Variants in KHDRBS1 observed in about 807,000 individuals in gnomAD.
The protein encoded by KHDRBS1 is KH RNA binding domain containing, signal transduction associated 1.
In KHDRBS1, 7 loss-of-function variants were observed where a neutral mutation model predicts 48.4. The observed-to-expected ratio is 0.14, with a 90% CI of 0.08 to 0.27. KHDRBS1 has a LOEUF of 0.27. KHDRBS1 is among the 10% of genes least tolerant of loss of function. KHDRBS1 has a pLI of 1.00. For missense variants in KHDRBS1, 458 were observed against 601.2 expected (o/e 0.76, Z 2.49); for synonymous variants, 241 against 235.8 (o/e 1.02, Z -0.20).
intron 2 of KHDRBS1, 94 bp downstream of exon 2, chr1:32,030,516 T>A: frequency 9.4e-7 from 1 of 1,066,284 alleles, no homozygotes; most frequent in Non-Finnish European, 1.3e-6. Flanking sequence ...TGTGATGCTT[T>A]AGAAACTTAA....
chr1:32,030,498 C>T lies in KHDRBS1; in HGVS notation c.507+76C>T, dbSNP rs370004248. The T allele has an allele frequency of 7.2e-5, 92 of 1,274,314 alleles. 1 individual carries two copies. Among genetic ancestry groups the T allele is most frequent in the East Asian group, 6.0e-4 (23 of 38,394 alleles). 78.9% of individuals were successfully genotyped at this position (1,274,314 alleles called of 1,614,324 possible). On this transcript the variant is annotated intron_variant, in intron 2 of 8. Transcript: ENST00000327300. ...GAGTCATGGGCTATAATAAAGACTC[C>T]TGGGGATTGTGATGCTTTAGAAACT...
chr1:32,043,006 G>C lies in KHDRBS1; in HGVS notation c.*382G>C, dbSNP rs1426078586. ...CTTGCTTAAAGGTTCTGAAGTAAAG[G>C]CTTGTTAAGTTTCTCTTAGTTTTGA... On this transcript the variant is annotated 3_prime_UTR_variant, in exon 9 of 9. Transcript: ENST00000327300. 1 of 154,478 alleles carries C rather than the reference G, an allele frequency of 6.5e-6. No homozygotes were observed. The highest frequency in any genetic ancestry group is 2.4e-5 in the African/African-American group (1 of 41,358). The allele number at this position is 154,478 out of a possible 1,614,324, so 9.6% of individuals were successfully genotyped here. A position where few individuals can be genotyped will look rare whatever the true frequency, so the allele number is the denominator to read the frequency against.
intron 1 of KHDRBS1, among the ~76,000 whole-genome samples, chr1:32,029,538 T>TC (rs1264042128): frequency 6.6e-6 from 1 of 152,090 alleles, no homozygotes; most frequent in Non-Finnish European, 1.5e-5. Flanking sequence ...ACACCTGTAA[T>TC]CCCAGCTACT....
intron 10 of KHDRBS1, chr1:32,054,504 T>C (rs1004310911): frequency 1.3e-5 from 2 of 152,180 alleles, no homozygotes; most frequent in African/African-American, 4.8e-5. Flanking sequence ...GTCGTATTCC[T>C]TTCGCCCACC....
chr1:32,036,163 A>ATTTTTTTTTTTTTTT (rs397742842), intron 4 of KHDRBS1, among the ~76,000 whole-genome samples: 19 of 60,466 alleles, frequency 3.1e-4, no homozygotes, highest in African/African-American at 1.4e-3. Context: ...CATTTTGAAG[A>ATTTTTTTTTTTTTTT]TTTTTTTTTT....
chr1:32,047,233 A>T (rs955621545), downstream of KHDRBS1, among the ~76,000 whole-genome samples: 1 of 152,162 alleles, frequency 6.6e-6, no homozygotes, highest in Non-Finnish European at 1.5e-5. Flanking sequence ...ATTTCAGCTT[A>T]CTGCGACCTC....
intron 5 of KHDRBS1, 134 bp downstream of exon 5, chr1:32,037,177 A>G (rs1232558206): frequency 1.0e-6 from 1 of 971,014 alleles, no homozygotes; most frequent in African/African-American, 1.6e-5. Context: ...GAATTCTACA[A>G]CCATACTCTC....
Position 32,030,282 on chromosome 1 carries a change from T to A in KHDRBS1, c.383-16T>A. ...TTTATTTACCAGGGCAAAAATAAATTGTTTTTCCTATTCAGAAATTGAGAA... is the reference window on the plus strand; with the variant it reads ...TTTATTTACCAGGGCAAAAATAAATAGTTTTTCCTATTCAGAAATTGAGAA... On this transcript the variant is annotated splice_polypyrimidine_tract_variant and intron_variant, in intron 1 of 8. Coordinates refer to ENST00000327300, the MANE Select transcript of KHDRBS1 (RefSeq NM_006559.3). 1 of 1,597,010 alleles carries A rather than the reference T, an allele frequency of 6.3e-7. No homozygotes were observed. Among genetic ancestry groups the A allele is most frequent in the South Asian group, 1.1e-5 (1 of 87,784 alleles).
At chr1:32,017,012 CTT>C (rs1638754628) in intron 1 of KHDRBS1, among the ~76,000 whole-genome samples, 2 of 152,166 alleles carry the variant, frequency 1.3e-5, no homozygotes, top group African/African-American at 2.4e-5. Context: ...AATCCCAACA[CTT>C]TGGGAGGCTG....
At chr1:32,025,492 G>C (rs1041049149) in intron 1 of KHDRBS1, among the ~76,000 whole-genome samples, 5 of 151,044 alleles carry the variant, frequency 3.3e-5, no homozygotes, top group Admixed American at 3.3e-4. Flanking sequence ...ATAGAGATGG[G>C]GTTTCACTGT....
At chr1:32,029,230 G>C (rs1485374410) in intron 1 of KHDRBS1, among the ~76,000 whole-genome samples, 3 of 152,200 alleles carry the variant, frequency 2.0e-5, no homozygotes. Context: ...TTTAGGTGAT[G>C]ATGGATATGT....
intron 1 of KHDRBS1, among the ~76,000 whole-genome samples, chr1:32,028,652 A>AC (rs1264198091): frequency 4.0e-5 from 6 of 150,726 alleles, no homozygotes; most frequent in Admixed American, 4.0e-4. Context: ...ACAGGTGCCC[A>AC]CCGCCACGCC....
At chr1:32,037,123 T>G in intron 5 of KHDRBS1, 80 bp downstream of exon 5, 1 of 1,476,660 alleles carries the variant, frequency 6.8e-7, no homozygotes, top group Non-Finnish European at 9.2e-7. Context: ...CTCTTATGTC[T>G]AGCTTAGGAA....
At chr1:32,024,542 G>T (rs1024972852) in intron 1 of KHDRBS1, among the ~76,000 whole-genome samples, 3 of 151,560 alleles carry the variant, frequency 2.0e-5, no homozygotes, top group African/African-American at 7.3e-5. Flanking sequence ...GCCCAGGCAG[G>T]TCTCAAGTTC....
downstream of KHDRBS1, among the ~76,000 whole-genome samples, chr1:32,046,407 G>A (rs1338921515): frequency 2.0e-5 from 3 of 152,066 alleles, no homozygotes; most frequent in Admixed American, 1.3e-4. Context: ...TAGAGACGAG[G>A]TTTCACCTTA....
intron 4 of KHDRBS1, 114 bp downstream of exon 4, chr1:32,033,448 T>C (rs1639118843): frequency 2.9e-6 from 4 of 1,376,642 alleles, no homozygotes; most frequent in Non-Finnish European, 3.9e-6. Context: ...GTATACCAAA[T>C]TCTGCACTTA....
intron 1 of KHDRBS1, among the ~76,000 whole-genome samples, chr1:32,026,122 A>G (rs1037686303): frequency 1.3e-5 from 2 of 151,480 alleles, no homozygotes; most frequent in African/African-American, 4.9e-5. Flanking sequence ...TTCTCTTTTC[A>G]ACCCTCTGTT....
chr1:32,033,379 G>A, intron 4 of KHDRBS1, 45 bp downstream of exon 4: 2 of 1,608,568 alleles, frequency 1.2e-6, no homozygotes, highest in Non-Finnish European at 1.7e-6. Context: ...AAGAGAACTG[G>A]GATCTTATAC....
At chr1:32,025,463 G>GCTC (rs1398202296) in intron 1 of KHDRBS1, among the ~76,000 whole-genome samples, 1 of 151,444 alleles carries the variant, frequency 6.6e-6, no homozygotes, top group Middle Eastern at 3.4e-3. Context: ...ACCATGCCCA[G>GCTC]CTCATTTTTG....
Sources: allele counts gnomAD v4.1 joint callset (sites outside exome capture counted in the v4.1 genomes callset), GRCh38; gene constraint gnomAD v4.1.1; transcripts MANE v1.5; gene names NCBI Gene and HGNC (gene_info 2026-07-23, HGNC 2026-07-21).